The following LGSN variants were observed in gnomAD, a reference collection of about 807,000 sequenced individuals.
The protein encoded by LGSN is lengsin.
Under a neutral mutation model 19.5 loss-of-function variants are expected in LGSN, and 21 were observed. The observed-to-expected ratio is 1.07, with a 90% CI of 0.76 to 1.55. The LOEUF (loss-of-function observed/expected upper bound fraction) is 1.55. Among genes scored for constraint, LGSN ranks in the 40% most tolerant of loss-of-function variants. The pLI, the probability that LGSN is intolerant of heterozygous loss-of-function variation, is 0.00. For synonymous variants in LGSN, 257 were observed against 215.6 expected (o/e 1.19, Z -1.68); for missense variants, 673 against 608.5 (o/e 1.11, Z -1.12).
At chr6:63,414,865 A>G in the LGSN span, among the ~76,000 whole-genome samples, 1 of 152,302 alleles carries the variant, frequency 6.6e-6, no homozygotes, top group Admixed American at 6.5e-5. Context: ...CAGTGAGCCA[A>G]GGTTATGCCA....
the LGSN span, among the ~76,000 whole-genome samples, chr6:63,336,734 TC>T: frequency 6.6e-6 from 1 of 150,626 alleles, no homozygotes; most frequent in African/African-American, 2.5e-5. Flanking sequence ...CAAGCGATTC[TC>T]CCACCTCAGC....
chr6:63,428,174 GT>G, the LGSN span, among the ~76,000 whole-genome samples: 1 of 151,862 alleles, frequency 6.6e-6, no homozygotes, highest in African/African-American at 2.4e-5. Flanking sequence ...AAAATAAAAC[GT>G]TTGCACAATA....
the LGSN span, among the ~76,000 whole-genome samples, chr6:63,496,617 C>T: frequency 2.3e-4 from 34 of 145,826 alleles, 3 homozygotes; most frequent in African/African-American, 8.6e-4. Flanking sequence ...GGTATTTGCT[C>T]CTTTTTTTTT....
At chr6:63,492,061 T>C in the LGSN span, among the ~76,000 whole-genome samples, 1 of 152,188 alleles carries the variant, frequency 6.6e-6, no homozygotes, top group Non-Finnish European at 1.5e-5. Context: ...ACGTATGTTT[T>C]ACTGTCATTC....
At chr6:63,428,600 C>T in the LGSN span, among the ~76,000 whole-genome samples, 1 of 152,216 alleles carries the variant, frequency 6.6e-6, no homozygotes, top group Admixed American at 6.5e-5. Context: ...ATCCACCCGC[C>T]TTGGCCTCCC....
chr6:63,332,467 C>A, the LGSN span, among the ~76,000 whole-genome samples: 3 of 152,048 alleles, frequency 2.0e-5, no homozygotes, highest in Non-Finnish European at 4.4e-5. Flanking sequence ...GTTGTTGGGA[C>A]CCCAGAGCTG....
At chr6:63,412,416 A>AAAGAAAGAAAGAAAGAG in the LGSN span, among the ~76,000 whole-genome samples, 15 of 97,496 alleles carry the variant, frequency 1.5e-4, no homozygotes, top group African/African-American at 8.8e-4. Context: ...AGAAAGAAAG[A>AAAGAAAGAAAGAAAGAG]AGAAAGAAAG....
At chr6:63,399,452 T>A in the LGSN span, among the ~76,000 whole-genome samples, 1 of 151,330 alleles carries the variant, frequency 6.6e-6, no homozygotes, top group African/African-American at 2.4e-5. Context: ...TGGAGTGCAG[T>A]GGCATGATCT....
the LGSN span, among the ~76,000 whole-genome samples, chr6:63,366,559 T>C: frequency 2.8e-3 from 426 of 152,254 alleles, 2 homozygotes; most frequent in Admixed American, 5.7e-3. Context: ...AAGCTACCAA[T>C]GACTTTCTTC....
At chr6:63,488,704 G>A in the LGSN span, among the ~76,000 whole-genome samples, 2 of 152,078 alleles carry the variant, frequency 1.3e-5, no homozygotes, top group Non-Finnish European at 2.9e-5. Context: ...TGTAATCCCA[G>A]CTACTTGGGA....
chr6:63,481,534 G>T, the LGSN span, among the ~76,000 whole-genome samples: 1 of 151,264 alleles, frequency 6.6e-6, no homozygotes, highest in Non-Finnish European at 1.5e-5. Context: ...TTTTAGTAGA[G>T]ACGGGGTTTC....
At chr6:63,530,745 AC>A in the LGSN span, among the ~76,000 whole-genome samples, 3 of 152,360 alleles carry the variant, frequency 2.0e-5, no homozygotes, top group African/African-American at 7.2e-5. Flanking sequence ...CTAGAGGCAT[AC>A]CTGAATTCAT....
intron 2 of LGSN, among the ~76,000 whole-genome samples, chr6:63,294,065 T>C (rs1767877800): frequency 6.6e-6 from 1 of 152,208 alleles, no homozygotes; most frequent in Non-Finnish European, 1.5e-5. Flanking sequence ...AGGTGGCTCA[T>C]GTCTGTAGCC....
Position 63,281,035 on chromosome 6 carries a change from G to A in LGSN, c.516C>T (p.Thr172=), listed in dbSNP as rs1767288370. ...AAAGAGGCTCACCAGTCACAGTGAA[G>A]GTATCACATATCACTCTTGCAGTTC... ...ADRTARVICD[T]FTVTGEPLLT... Residue 172 remains threonine, a synonymous_variant, in exon 4 of 4, where the codon ACC becomes ACT. Transcript: ENST00000370657. The A allele has an allele frequency of 5.0e-6, 8 of 1,613,818 alleles. No homozygotes were observed. The highest frequency in any genetic ancestry group is 4.5e-5 in the East Asian group (2 of 44,870).
the LGSN span, among the ~76,000 whole-genome samples, chr6:63,350,630 T>A: frequency 6.6e-6 from 1 of 152,148 alleles, no homozygotes; most frequent in African/African-American, 2.4e-5. Flanking sequence ...GGTGGGTGGA[T>A]CACCTGAGGT....
the LGSN span, among the ~76,000 whole-genome samples, chr6:63,521,271 G>A: frequency 5.3e-3 from 800 of 152,070 alleles, 6 homozygotes; most frequent in African/African-American, 0.011. Context: ...AGAAAAAAAC[G>A]GCAAATAATT....
the LGSN span, among the ~76,000 whole-genome samples, chr6:63,390,240 G>A: frequency 1.2e-4 from 16 of 137,774 alleles, no homozygotes; most frequent in African/African-American, 4.1e-4. Context: ...AGCGATTCTT[G>A]TGCCTCAGCC....
At chr6:63,479,385 A>G in the LGSN span, among the ~76,000 whole-genome samples, 1 of 136,048 alleles carries the variant, frequency 7.4e-6, no homozygotes, top group Non-Finnish European at 1.7e-5. Context: ...GAGGTACAGT[A>G]ACAACTTCTT....
chr6:63,416,562 GT>G, the LGSN span, among the ~76,000 whole-genome samples: 2 of 152,036 alleles, frequency 1.3e-5, no homozygotes, highest in Non-Finnish European at 2.9e-5. Context: ...AAAATACATA[GT>G]TTTTTTGTTG....
Sources: gnomAD v4.1 joint callset for allele counts (sites outside exome capture counted in the v4.1 genomes callset) on GRCh38, gnomAD v4.1.1 for gene constraint, MANE v1.5 for transcripts, NCBI Gene and HGNC (gene_info 2026-07-23, HGNC 2026-07-21) for gene names.